SLC26A2: variants seen among roughly 807,000 people sequenced by gnomAD.
The protein encoded by SLC26A2 is solute carrier family 26 member 2.
In SLC26A2, 36 loss-of-function variants were observed where a neutral mutation model predicts 41.1. The observed-to-expected ratio is 0.88, with a 90% CI of 0.67 to 1.16. The LOEUF (loss-of-function observed/expected upper bound fraction) is 1.16, where lower values mean the gene tolerates loss of function less well. Ranked by LOEUF, SLC26A2 falls within the 50% of genes most tolerant of loss-of-function variation. The probability of loss-of-function intolerance (pLI) is 0.00; values close to 1 mark genes in which losing one functional copy is unlikely to be tolerated. For missense variants in SLC26A2, 796 were observed against 869.6 expected (o/e 0.92, Z 1.07); for synonymous variants, 291 against 311.6 (o/e 0.93, Z 0.70).
rs1248999345 is a variant in SLC26A2 at position 149,984,594 on chromosome 5, G to C, written c.*2781G>C. ...GAGAATTACTTGAACCCGGGAGGCG[G>C]AGGTTGCAGTAAGCAGAGATTGTGC... On this transcript the variant is annotated 3_prime_UTR_variant, in exon 3 of 3. Coordinates refer to ENST00000286298, the MANE Select transcript of SLC26A2 (RefSeq NM_000112.4). 1 of 152,300 alleles carries C rather than the reference G, an allele frequency of 6.6e-6. No homozygotes were observed. The highest frequency in any genetic ancestry group is 1.5e-5 in the Non-Finnish European group (1 of 68,090). The allele number at this position is 152,300 out of a possible 1,614,324, so 9.4% of individuals were successfully genotyped here.
chr5:149,971,646 C>T (rs963158645), intron 1 of SLC26A2, among the ~76,000 whole-genome samples: 16 of 152,092 alleles, frequency 1.1e-4, no homozygotes, highest in African/African-American at 2.2e-4. Flanking sequence ...GTAAGCCACC[C>T]GCCTCAGCCT....
chr5:149,973,744 C>T (rs1414132673), intron 1 of SLC26A2, among the ~76,000 whole-genome samples: 1 of 152,170 alleles, frequency 6.6e-6, no homozygotes, highest in African/African-American at 2.4e-5. Context: ...AAGCAGTCTC[C>T]CTACCTCAGC....
rs146895291 is a variant in SLC26A2, at chr5:149,978,212, A to G, written c.560A>G (p.Asn187Ser). The change falls in exon 2 of 3, where the codon AAT (asparagine) becomes AGT (serine). Residue 187 changes from asparagine to serine, a missense_variant. Transcript: ENST00000286298. ...DRELQKAGYD[N>S]AHSAPSLGMV... is the part of the protein sequence containing the mutation. ...GAACTACAGAAAGCTGGCTATGACAATGCCCATAGTGCTCCTTCCTTAGGA... is the reference window on the plus strand; with the variant it reads ...GAACTACAGAAAGCTGGCTATGACAGTGCCCATAGTGCTCCTTCCTTAGGA... The G allele has an allele frequency of 5.0e-5, 80 of 1,614,020 alleles. No homozygotes were observed. The highest frequency in any genetic ancestry group is 5.8e-5 in the Non-Finnish European group (69 of 1,179,996).
At chr5:149,969,978 T>C (rs1318199195) in intron 1 of SLC26A2, among the ~76,000 whole-genome samples, 1 of 151,720 alleles carries the variant, frequency 6.6e-6, no homozygotes, top group Non-Finnish European at 1.5e-5. Flanking sequence ...TTATTACTCA[T>C]TTTAGCAAGA....
Position 149,981,533 on chromosome 5 carries a change from A to T in SLC26A2, c.1940A>T (p.His647Leu). 1.2e-6 allele frequency: 2 copies of T among 1,614,174 alleles called. No homozygotes were observed. The highest frequency in any genetic ancestry group is 1.3e-5 in the African/African-American group (1 of 75,056). Residue 647 changes from histidine to leucine, a missense_variant, in exon 3 of 3, where the codon CAT becomes CTT. Physicochemically the swap from His to Leu is moderately conservative, Grantham distance 99. Transcript: ENST00000286298. ...CTTTCCCATGATCCCTTGGAGCTGC[A>T]TACTATAGTGATTGACTGCAGTGCA... ...VQLSHDPLEL[H>L]TIVIDCSAIQ...
Position 149,981,023 on chromosome 5 carries a change from C to T in SLC26A2, c.1430C>T (p.Ser477Phe). Reference protein sequence around the residue: ...VLLVIAPLFYSLQKSVLGVIT... With the variant: ...VLLVIAPLFYFLQKSVLGVIT... The stretch of plus-strand genomic sequence containing the variant: ...CTAGTAATAGCTCCTTTGTTCTATT[C>T]CCTTCAAAAAAGTGTCCTTGGTGTG... Residue 477 changes from serine to phenylalanine, a missense_variant, in exon 3 of 3, where the codon TCC (serine) becomes TTC (phenylalanine). Transcript: ENST00000286298. The T allele has an allele frequency of 1.2e-6, 2 of 1,614,136 alleles. No homozygotes were observed. Among genetic ancestry groups the T allele is most frequent in the Middle Eastern group, 3.3e-4 (2 of 6,060 alleles).
Position 149,980,459 on chromosome 5 carries a change from C to T in SLC26A2, c.866C>T (p.Thr289Ile). 1.2e-6 allele frequency: 2 copies of T among 1,614,086 alleles called. No homozygotes were observed. The highest frequency in any genetic ancestry group is 8.5e-7 in the Non-Finnish European group (1 of 1,180,008). ...RTNGVGSLIT[T>I]WIHVFRNIHK... ...AATGGTGTGGGCTCACTCATCACTA[C>T]CTGGATACATGTCTTCAGAAACATC... The change falls in exon 3 of 3, where the codon ACC becomes ATC. Residue 289 changes from threonine to isoleucine, a missense_variant. By Grantham distance (89) the Thr-to-Ile change is moderately conservative (BLOSUM62 -1). Coordinates refer to ENST00000286298, the MANE Select transcript of SLC26A2 (RefSeq NM_000112.4).
At chr5:149,963,732 G>GT (rs1393678676) in intron 1 of SLC26A2, among the ~76,000 whole-genome samples, 15 of 100,596 alleles carry the variant, frequency 1.5e-4, no homozygotes, top group African/African-American at 6.5e-4. Context: ...TTGCATATTT[G>GT]TTTAACTTTT....
chr5:149,981,392 A>G lies in SLC26A2; in HGVS notation c.1799A>G (p.Tyr600Cys), dbSNP rs773660491. Residue 600 changes from tyrosine to cysteine, a missense_variant, in exon 3 of 3, where the codon TAC becomes TGC. Transcript: ENST00000286298. ...INKECFKSALYKQTVNPILIK... is the reference protein window; with the variant it reads ...INKECFKSALCKQTVNPILIK... Reference sequence around the variant, plus strand: ...AAAGAATGCTTTAAATCTGCTTTATACAAACAAACTGTCAACCCAATCTTA... The same window carrying G: ...AAAGAATGCTTTAAATCTGCTTTATGCAAACAAACTGTCAACCCAATCTTA... The G allele has an allele frequency of 5.6e-6, 9 of 1,614,174 alleles. No homozygotes were observed. The Admixed American group carries it at 1.5e-4, about 27-fold the overall frequency.
intron 1 of SLC26A2, among the ~76,000 whole-genome samples, chr5:149,970,343 A>G (rs1290238610): frequency 3.3e-5 from 5 of 152,100 alleles, no homozygotes; most frequent in African/African-American, 1.2e-4. Context: ...CCCTGTCTCT[A>G]CAAAGAAATA....
chr5:149,977,680 A>G lies in SLC26A2; in HGVS notation c.28A>G (p.Asn10Asp), dbSNP rs2113695454. 2 of 1,613,884 alleles carry G rather than the reference A, an allele frequency of 1.2e-6. No individual in the cohort carries two copies. Among genetic ancestry groups the G allele is most frequent in the Non-Finnish European group, 1.7e-6 (2 of 1,179,784 alleles). MSSESKEQH[N>D]VSPRDSAEGN... The stretch of plus-strand genomic sequence containing the variant: ...GTCTTCAGAAAGTAAAGAGCAACAT[A>G]ACGTTTCACCCAGAGACTCAGCTGA... The change falls in exon 2 of 3, where the codon AAC (asparagine) becomes GAC (aspartate). Residue 10 changes from asparagine to aspartate, a missense_variant. Coordinates refer to ENST00000286298, the MANE Select transcript of SLC26A2 (RefSeq NM_000112.4).
At chr5:149,961,711 C>A (rs912220339) in intron 1 of SLC26A2, among the ~76,000 whole-genome samples, 3 of 152,028 alleles carry the variant, frequency 2.0e-5, no homozygotes, top group Non-Finnish European at 4.4e-5. Flanking sequence ...TTCTCCTTGT[C>A]CCCAACAGTT....
intron 2 of SLC26A2, among the ~76,000 whole-genome samples, chr5:149,978,951 C>G (rs575985071): frequency 2.6e-5 from 4 of 152,028 alleles, no homozygotes; most frequent in African/African-American, 9.6e-5. Flanking sequence ...CTCCTGAGCT[C>G]AAGCAATCCT....
At position 149,981,761 on chromosome 5, in the gene SLC26A2, A is replaced by C. The variant is rs1755110522; in HGVS notation, c.2168A>C (p.Lys723Thr). The C allele has an allele frequency of 6.2e-7, 1 of 1,611,800 alleles. No individual in the cohort carries two copies. Residue 723 changes from lysine (K) to threonine (T), a missense_variant, in exon 3 of 3, where the codon AAA becomes ACA. By Grantham distance (78) the Lys-to-Thr change is moderately conservative. Transcript: ENST00000286298. Reference protein sequence around the residue: ...YEAMAFAEVSKNQKGVCVPNG... With the variant: ...YEAMAFAEVSTNQKGVCVPNG... ...GCGATGGCTTTTGCAGAAGTATCTA[A>C]AAATCAGAAAGGAGTATGTGTTCCC...
chr5:149,961,266 C>T (rs1754700021), intron 1 of SLC26A2, among the ~76,000 whole-genome samples: 1 of 152,218 alleles, frequency 6.6e-6, no homozygotes, highest in African/African-American at 2.4e-5. Context: ...GCCACGCACT[C>T]CGCTGCTTTT....
intron 1 of SLC26A2, among the ~76,000 whole-genome samples, chr5:149,966,473 A>G (rs934138025): frequency 1.3e-5 from 2 of 152,248 alleles, no homozygotes; most frequent in Non-Finnish European, 2.9e-5. Flanking sequence ...ACAAACATGC[A>G]TATCACACCA....
Position 149,964,089 on chromosome 5 carries a change from G to A in SLC26A2, c.-26+3110G>A, listed in dbSNP as rs139453009. On this transcript the variant is annotated intron_variant, in intron 1 of 2. Coordinates refer to ENST00000286298, the MANE Select transcript of SLC26A2 (RefSeq NM_000112.4). ...ATACCAATGTTTTTAGACCATATTTGGTAGGAGATAGGGAGCCAGTGCAGA... is the reference window on the plus strand; with the variant it reads ...ATACCAATGTTTTTAGACCATATTTAGTAGGAGATAGGGAGCCAGTGCAGA... 1.2e-3 allele frequency among the ~76,000 whole-genome samples: 186 copies of A among 152,264 alleles called. 4 individuals are homozygous for A. Among genetic ancestry groups the A allele is most frequent in the Middle Eastern group, 6.8e-3 (2 of 294 alleles).
At chr5:149,974,081 C>T (rs1754949449) in intron 1 of SLC26A2, among the ~76,000 whole-genome samples, 1 of 152,134 alleles carries the variant, frequency 6.6e-6, no homozygotes, top group Non-Finnish European at 1.5e-5. Context: ...CCCAGGAGTT[C>T]GAGGCCATGG....
At position 149,980,743 on chromosome 5, in the gene SLC26A2, G is replaced by A. The variant is rs376037126; in HGVS notation, c.1150G>A (p.Val384Ile). 2 of 1,613,654 alleles carry A rather than the reference G, an allele frequency of 1.2e-6. No individual in the cohort carries two copies. The highest frequency in any genetic ancestry group is 2.7e-5 in the African/African-American group (2 of 74,934). Residue 384 changes from valine to isoleucine, a missense_variant, in exon 3 of 3, where the codon GTA becomes ATA. Val to Ile is a conservative substitution (Grantham distance 29). Coordinates refer to ENST00000286298, the MANE Select transcript of SLC26A2 (RefSeq NM_000112.4). The part of the protein sequence containing the change: ...PEWNLIPSVA[V>I]DAIAISIIGF... ...ATGGAACCTAATTCCTAGTGTGGCT[G>A]TAGATGCAATAGCTATTTCCATCAT...
Sources: gnomAD v4.1 joint callset for allele counts (sites outside exome capture counted in the v4.1 genomes callset) on GRCh38, gnomAD v4.1.1 for gene constraint, MANE v1.5 for transcripts, NCBI Gene and HGNC (gene_info 2026-07-23, HGNC 2026-07-21) for gene names.